Variants in UQCRC2 observed in about 807,000 individuals in gnomAD.
UQCRC2 encodes the protein ubiquinol-cytochrome c reductase core protein 2, also known as cytochrome b-c1 complex subunit 2, mitochondrial.
A neutral mutation model predicts 55.6 loss-of-function variants in UQCRC2; 49 were observed. The ratio of observed to expected loss-of-function variants is 0.88; its 90% CI spans 0.70 to 1.12. UQCRC2 has a LOEUF of 1.12. UQCRC2 is among the 50% of genes most tolerant of loss of function. The probability of loss-of-function intolerance (pLI) is 0.00; values close to 1 mark genes in which losing one functional copy is unlikely to be tolerated. For missense variants in UQCRC2, 506 were observed against 547.8 expected (o/e 0.92, Z 0.76); for synonymous variants, 193 against 192.0 (o/e 1.01, Z -0.04).
chr16:21,968,711 T>A lies in UQCRC2; in HGVS notation c.670+26T>A, dbSNP rs1898387196. 5 of 1,591,256 alleles carry A rather than the reference T, an allele frequency of 3.1e-6. No homozygotes were observed. The South Asian group carries it at 4.6e-5, about 15-fold the overall frequency. On this transcript the variant is annotated intron_variant, in intron 8 of 13. Coordinates refer to ENST00000268379, the MANE Select transcript of UQCRC2 (RefSeq NM_003366.4). ...GTAAGTTTAGAGTATTGCCTGCCTG[T>A]CAGTTTGCTTCCTTAAGAGCAGTTC... is the stretch of plus-strand genomic sequence containing the variant.
At chr16:21,979,264 T>C (rs1421713434) in intron 12 of UQCRC2, among the ~76,000 whole-genome samples, 1 of 152,218 alleles carries the variant, frequency 6.6e-6, no homozygotes, top group Non-Finnish European at 1.5e-5. Context: ...AGGTTTACAA[T>C]ATACACTGTC....
At chr16:21,956,435 T>G (rs1898087771) in intron 1 of UQCRC2, among the ~76,000 whole-genome samples, 1 of 151,958 alleles carries the variant, frequency 6.6e-6, no homozygotes, top group African/African-American at 2.4e-5. Flanking sequence ...TCCCAGCTAC[T>G]TGGGAGGCTG....
chr16:21,974,457 G>T (rs536333219), intron 11 of UQCRC2, among the ~76,000 whole-genome samples: 1 of 152,250 alleles, frequency 6.6e-6, no homozygotes, highest in African/African-American at 2.4e-5. Context: ...TTGAAGGATA[G>T]GAAAGAGAGT....
intron 11 of UQCRC2, among the ~76,000 whole-genome samples, chr16:21,975,953 G>A (rs1309880244): frequency 6.6e-6 from 1 of 152,178 alleles, no homozygotes; most frequent in Non-Finnish European, 1.5e-5. Context: ...AGCTTCTTGG[G>A]AGGCTGGGGC....
chr16:21,979,865 G>A (rs951124086), intron 12 of UQCRC2, among the ~76,000 whole-genome samples: 38 of 152,058 alleles, frequency 2.5e-4, no homozygotes, highest in African/African-American at 8.7e-4. Context: ...GTCCATCATT[G>A]ACCAAAAACA....
At chr16:21,966,974 T>C (rs1269350921) in intron 7 of UQCRC2, among the ~76,000 whole-genome samples, 1 of 152,244 alleles carries the variant, frequency 6.6e-6, no homozygotes, top group Non-Finnish European at 1.5e-5. Context: ...TGTTGTCACA[T>C]AAAGCAATTT....
intron 6 of UQCRC2, among the ~76,000 whole-genome samples, chr16:21,963,787 T>G (rs1898259279): frequency 6.6e-6 from 1 of 152,018 alleles, no homozygotes; most frequent in East Asian, 1.9e-4. Flanking sequence ...TTTTTAAGAG[T>G]TGTTTTGCTT....
At position 21,971,997 on chromosome 16, in the gene UQCRC2, G is replaced by T; in HGVS notation, c.841G>T (p.Ala281Ser). The change falls in exon 10 of 14, where the codon GCA (alanine) becomes TCA (serine). Residue 281 changes from alanine (A) to serine (S), a missense_variant. By Grantham distance (99) the Ala-to-Ser change is moderately conservative (BLOSUM62 1). Transcript: ENST00000268379. Reference sequence around the variant, plus strand: ...AGCAGAAAGTGCTGTCGCGGGAAGTGCAGAGGCAAATGCATTTAGTGTTCT... The same window carrying T: ...AGCAGAAAGTGCTGTCGCGGGAAGTTCAGAGGCAAATGCATTTAGTGTTCT... ...FVAESAVAGSAEANAFSVLQH... is the reference protein window; with the variant it reads ...FVAESAVAGSSEANAFSVLQH... 1.9e-6 allele frequency: 3 copies of T among 1,614,144 alleles called. No homozygotes were observed. Among genetic ancestry groups the T allele is most frequent in the Non-Finnish European group, 2.5e-6 (3 of 1,180,024 alleles).
At chr16:21,968,755 G>T in intron 8 of UQCRC2, 70 bp downstream of exon 8, 1 of 1,424,022 alleles carries the variant, frequency 7.0e-7, no homozygotes, top group South Asian at 1.4e-5. Context: ...GTAATTACGT[G>T]AACATAGGAT....
At chr16:21,974,793 G>A (rs990766316) in intron 11 of UQCRC2, among the ~76,000 whole-genome samples, 5 of 152,178 alleles carry the variant, frequency 3.3e-5, no homozygotes, top group African/African-American at 9.7e-5. Flanking sequence ...TCTGAGAAAG[G>A]AATACTTGGG....
intron 4 of UQCRC2, among the ~76,000 whole-genome samples, chr16:21,960,026 T>C (rs1164275186): frequency 6.6e-6 from 1 of 152,200 alleles, no homozygotes; most frequent in Non-Finnish European, 1.5e-5. Context: ...CTCTAGGATT[T>C]TGAGAATGGT....
chr16:21,968,528 C>A (rs1312311811), intron 7 of UQCRC2, 100 bp from the exon 8 acceptor site: 3 of 1,034,936 alleles, frequency 2.9e-6, no homozygotes, highest in African/African-American at 3.3e-5. Context: ...ACTTATAAGG[C>A]CTTATAAGTA....
Position 21,982,310 on chromosome 16 carries a change from C to T in UQCRC2, c.1279-778C>T, listed in dbSNP as rs183936918. Among the ~76,000 whole-genome samples the T allele has an allele frequency of 2.4e-3, 364 of 152,266 alleles. 3 individuals are homozygous for T. The highest frequency in any genetic ancestry group is 8.2e-3 in the African/African-American group (342 of 41,558). ...ACCTGACTCATGATACTACACTTAA[C>T]CAGCCTTTGAACTTGGAAGTAGTGG... On this transcript the variant is annotated intron_variant, in intron 13 of 13. Coordinates refer to ENST00000268379, the MANE Select transcript of UQCRC2 (RefSeq NM_003366.4).
At chr16:21,975,951 G>A (rs1027428195) in intron 11 of UQCRC2, among the ~76,000 whole-genome samples, 2 of 152,176 alleles carry the variant, frequency 1.3e-5, no homozygotes, top group Non-Finnish European at 2.9e-5. Flanking sequence ...CCAGCTTCTT[G>A]GGAGGCTGGG....
In UQCRC2 at chr16:21,983,434, C is replaced by G. The variant is rs1352529495; in HGVS notation, c.*263C>G. Reference sequence around the variant, plus strand: ...TTTGTTTTAGATGCTTTAAAGGAGACAGGAATATAATTATTGAGTATAGAA... The same window carrying G: ...TTTGTTTTAGATGCTTTAAAGGAGAGAGGAATATAATTATTGAGTATAGAA... On this transcript the variant is annotated 3_prime_UTR_variant, in exon 14 of 14. Transcript: ENST00000268379. 13 of 444,222 alleles carry G rather than the reference C, an allele frequency of 2.9e-5. No individual in the cohort carries two copies. The highest frequency in any genetic ancestry group is 4.3e-5 in the Non-Finnish European group (11 of 254,644). The allele number at this position is 444,222 out of a possible 1,614,324, so 27.5% of individuals were successfully genotyped here. A position where few individuals can be genotyped will look rare whatever the true frequency, so the allele number is the denominator to read the frequency against.
chr16:21,971,118 C>G (rs1898449403), intron 8 of UQCRC2, among the ~76,000 whole-genome samples: 1 of 151,894 alleles, frequency 6.6e-6, no homozygotes, highest in South Asian at 2.1e-4. Context: ...ATGCTAGCGT[C>G]CATTAGGAGG....
rs968117795 is a variant in UQCRC2 at position 21,966,707 on chromosome 16, G to A, written c.612+1202G>A. Among the ~76,000 whole-genome samples the A allele has an allele frequency of 2.6e-5, 4 of 152,140 alleles. No individual in the cohort carries two copies. The South Asian group carries it at 6.2e-4, about 24-fold the overall frequency. On this transcript the variant is annotated intron_variant, in intron 7 of 13. Coordinates refer to ENST00000268379, the MANE Select transcript of UQCRC2 (RefSeq NM_003366.4). ...CATCATCCAACTTGAACAGGCAGCC[G>A]TTTTCATAAGACTGGACTCTAATGA...
intron 4 of UQCRC2, among the ~76,000 whole-genome samples, chr16:21,959,138 G>A (rs1898144235): frequency 6.6e-6 from 1 of 152,172 alleles, no homozygotes; most frequent in Non-Finnish European, 1.5e-5. Context: ...GGTGGTGACT[G>A]ATAATTTCTT....
At chr16:21,975,259 G>T (rs1898554276) in intron 11 of UQCRC2, among the ~76,000 whole-genome samples, 1 of 152,180 alleles carries the variant, frequency 6.6e-6, no homozygotes, top group Non-Finnish European at 1.5e-5. Context: ...TGAAGCCAGA[G>T]GGGGCCTGAT....
Sources: allele counts gnomAD v4.1 joint callset (sites outside exome capture counted in the v4.1 genomes callset), GRCh38; gene constraint gnomAD v4.1.1; transcripts MANE v1.5; gene names NCBI Gene and HGNC (gene_info 2026-07-23, HGNC 2026-07-21).